Variants in EMILIN2 observed in about 807,000 individuals in gnomAD.
EMILIN2 encodes EMILIN-2.
A neutral mutation model predicts 87.1 loss-of-function variants in EMILIN2; 71 were observed. The ratio of observed to expected loss-of-function variants is 0.82; its 90% CI spans 0.67 to 0.99. The LOEUF (loss-of-function observed/expected upper bound fraction) is 0.99. Among genes scored for constraint, EMILIN2 ranks in the 50% least tolerant of loss-of-function variants. EMILIN2 has a pLI of 0.00. For synonymous variants in EMILIN2, 581 were observed against 563.4 expected, an observed-to-expected ratio of 1.03 and a Z score of -0.44; for missense variants, 1,407 against 1,371.8, an observed-to-expected ratio of 1.03 and a Z score of -0.40.
At chr18:2,888,693 C>A (rs1014878399) in intron 3 of EMILIN2, among the ~76,000 whole-genome samples, 13 of 125,490 alleles carry the variant, frequency 1.0e-4, no homozygotes, top group Non-Finnish European at 6.4e-5. Flanking sequence ...CCAGCCTGGG[C>A]AACAGAGGGA....
intron 2 of EMILIN2, among the ~76,000 whole-genome samples, chr18:2,875,336 A>C (rs1422193724): frequency 6.6e-6 from 1 of 152,224 alleles, no homozygotes; most frequent in Non-Finnish European, 1.5e-5. Flanking sequence ...AGATGTTCTC[A>C]TGGCCGTGCC....
chr18:2,861,927 TCTC>T (rs1361061968), intron 2 of EMILIN2, among the ~76,000 whole-genome samples: 1 of 152,180 alleles, frequency 6.6e-6, no homozygotes, highest in African/African-American at 2.4e-5. Flanking sequence ...GGTTTGTAGT[TCTC>T]CTTGAAGAGG....
chr18:2,898,711 G>A (rs2076874632), intron 4 of EMILIN2, among the ~76,000 whole-genome samples: 1 of 152,168 alleles, frequency 6.6e-6, no homozygotes, highest in South Asian at 2.1e-4. Flanking sequence ...CTATAAGAAT[G>A]AAAAAGCACA....
chr18:2,866,329 C>G (rs1384728149), intron 2 of EMILIN2, among the ~76,000 whole-genome samples: 3 of 152,246 alleles, frequency 2.0e-5, no homozygotes. Flanking sequence ...ATTTGGCCAT[C>G]TTGGCTCCTT....
intron 7 of EMILIN2, among the ~76,000 whole-genome samples, chr18:2,910,747 C>T (rs1188112167): frequency 2.0e-5 from 3 of 152,210 alleles, no homozygotes; most frequent in Admixed American, 2.0e-4. Flanking sequence ...CCCAGCCTCA[C>T]GTTTGCCCTG....
intron 2 of EMILIN2, among the ~76,000 whole-genome samples, chr18:2,850,654 A>C (rs1279666999): frequency 6.6e-6 from 1 of 152,130 alleles, no homozygotes; most frequent in African/African-American, 2.4e-5. Context: ...AACTCACTCT[A>C]GAGTGACTGA....
chr18:2,863,213 A>C (rs989748566), intron 2 of EMILIN2, among the ~76,000 whole-genome samples: 1 of 151,770 alleles, frequency 6.6e-6, no homozygotes, highest in Non-Finnish European at 1.5e-5. Context: ...TTGTGTCTCT[A>C]TTTCCTTCAG....
chr18:2,906,903 C>T lies in EMILIN2; in HGVS notation c.2480C>T (p.Pro827Leu), dbSNP rs142125372. 4.6e-4 allele frequency: 635 copies of T among 1,394,406 alleles called. No homozygotes were observed. Among genetic ancestry groups the T allele is most frequent in the Admixed American group, 6.2e-4 (23 of 37,042 alleles). The allele number at this position is 1,394,406 out of a possible 1,614,324, so 86.4% of individuals were successfully genotyped here. A position where few individuals can be genotyped will look rare whatever the true frequency, so the allele number is the denominator to read the frequency against. Reference sequence around the variant, plus strand: ...GACCCTGGGCGACGGCCCGTCCTGCCCCAGCGGCCCCCCGAGGAGAGGCCG... The same window carrying T: ...GACCCTGGGCGACGGCCCGTCCTGCTCCAGCGGCCCCCCGAGGAGAGGCCG... Reference protein sequence around the residue: ...AEDPGRRPVLPQRPPEERPPQ... With the variant: ...AEDPGRRPVLLQRPPEERPPQ... The change falls in exon 5 of 8, where the codon CCC (proline) becomes CTC (leucine). Residue 827 changes from proline to leucine, a missense_variant. Physicochemically the swap from Pro to Leu is moderately conservative, Grantham distance 98 (BLOSUM62 -3). Coordinates refer to ENST00000254528, the MANE Select transcript of EMILIN2 (RefSeq NM_032048.3).
chr18:2,895,696 G>A (rs889398323), intron 4 of EMILIN2, among the ~76,000 whole-genome samples: 1 of 152,204 alleles, frequency 6.6e-6, no homozygotes, highest in East Asian at 1.9e-4. Flanking sequence ...GCGGTGTCAA[G>A]TAGTCAGACT....
chr18:2,848,622 A>G lies in EMILIN2; in HGVS notation c.257+691A>G, dbSNP rs2076588561. Among the ~76,000 whole-genome samples, 1 of 151,672 alleles carries G rather than the reference A, an allele frequency of 6.6e-6. No homozygotes were observed. The highest frequency in any genetic ancestry group is 1.5e-5 in the Non-Finnish European group (1 of 67,962). ...AAAAAAAAAAAACAGGAAGCAATGC[A>G]ATAAAGTACAAATGCCGTTAAATAC... On this transcript the variant is annotated intron_variant, in intron 2 of 7. Coordinates refer to ENST00000254528, the MANE Select transcript of EMILIN2 (RefSeq NM_032048.3). This position sits in a 1 kb window ranked among gnomAD's most constrained non-coding sequence, Gnocchi z 4.1.
chr18:2,863,651 A>G (rs567827233), intron 2 of EMILIN2, among the ~76,000 whole-genome samples: 34 of 151,528 alleles, frequency 2.2e-4, no homozygotes, highest in Non-Finnish European at 4.6e-4. Flanking sequence ...TATGTGGTCA[A>G]TTTTGGAATA....
At chr18:2,901,896 T>C (rs2076889569) in intron 4 of EMILIN2, among the ~76,000 whole-genome samples, 1 of 152,190 alleles carries the variant, frequency 6.6e-6, no homozygotes, top group Admixed American at 6.5e-5. Context: ...ACGTCGCTTT[T>C]TCATGACTGT....
chr18:2,887,127 A>G (rs1207789438), intron 3 of EMILIN2, among the ~76,000 whole-genome samples: 1 of 152,126 alleles, frequency 6.6e-6, no homozygotes, highest in African/African-American at 2.4e-5. Context: ...TAGCTTCAGA[A>G]ATCTAGGTCA....
chr18:2,906,379 G>C (rs1384460139), intron 4 of EMILIN2: 1 of 158,162 alleles, frequency 6.3e-6, no homozygotes, highest in South Asian at 2.0e-4. Context: ...GAGGCCGTGG[G>C]GCCCCGGCAG....
chr18:2,885,356 CTTG>C (rs1168945170), intron 3 of EMILIN2, among the ~76,000 whole-genome samples: 1 of 152,138 alleles, frequency 6.6e-6, no homozygotes, highest in Non-Finnish European at 1.5e-5. Flanking sequence ...CTAGGGCCAG[CTTG>C]TTGTGAAAGC....
chr18:2,864,549 C>T (rs1172050142), intron 2 of EMILIN2, among the ~76,000 whole-genome samples: 1 of 152,150 alleles, frequency 6.6e-6, no homozygotes, highest in Non-Finnish European at 1.5e-5. Context: ...AATATTGGCC[C>T]CCACTCTCTT....
At chr18:2,882,957 T>G (rs2076784446) in intron 2 of EMILIN2, among the ~76,000 whole-genome samples, 1 of 152,006 alleles carries the variant, frequency 6.6e-6, no homozygotes, top group African/African-American at 2.4e-5. Flanking sequence ...GGAGGATCAC[T>G]TGAGCCCAGG....
chr18:2,857,503 A>G (rs879937071), intron 2 of EMILIN2, among the ~76,000 whole-genome samples: 32 of 152,214 alleles, frequency 2.1e-4, no homozygotes, highest in Non-Finnish European at 4.1e-4. Flanking sequence ...CATAGTGGTG[A>G]CAATGCTGCT....
intron 2 of EMILIN2, among the ~76,000 whole-genome samples, chr18:2,883,738 G>A (rs894036020): frequency 2.0e-5 from 3 of 152,190 alleles, no homozygotes; most frequent in Non-Finnish European, 4.4e-5. Flanking sequence ...ATGAGGGGAT[G>A]TGCACTGTCA....
Sources: gnomAD v4.1 joint callset for allele counts (sites outside exome capture counted in the v4.1 genomes callset) on GRCh38, gnomAD v4.1.1 for gene constraint, Gnocchi (gnomAD v3.1) non-coding constraint, MANE v1.5 for transcripts, NCBI Gene and HGNC (gene_info 2026-07-23, HGNC 2026-07-21) for gene names.